Variants in ESCO1 observed in about 807,000 individuals in gnomAD.
The protein encoded by ESCO1 is N-acetyltransferase ESCO1.
A neutral mutation model predicts 83.5 loss-of-function variants in ESCO1; 33 were observed. The ratio of observed to expected loss-of-function variants is 0.40; its 90% CI spans 0.30 to 0.53. The LOEUF (loss-of-function observed/expected upper bound fraction) is 0.53, where lower values mean the gene tolerates loss of function less well. ESCO1 is among the 20% of genes least tolerant of loss of function. The pLI, the probability that ESCO1 is intolerant of heterozygous loss-of-function variation, is 0.63. For synonymous variants in ESCO1, 332 were observed against 324.3 expected, an observed-to-expected ratio of 1.02 and a Z score of -0.25; for missense variants, 855 against 968.0, an observed-to-expected ratio of 0.88 and a Z score of 1.55.
intron 8 of ESCO1, among the ~76,000 whole-genome samples, chr18:21,559,877 CA>C (rs1301592521): frequency 1.3e-5 from 2 of 151,958 alleles, no homozygotes; most frequent in African/African-American, 4.8e-5. Flanking sequence ...GGTAGAGAAC[CA>C]AAAAAGTAAA....
At chr18:21,558,405 G>C (rs769758890) in intron 8 of ESCO1, among the ~76,000 whole-genome samples, 2 of 152,020 alleles carry the variant, frequency 1.3e-5, no homozygotes, top group African/African-American at 2.4e-5. Context: ...CAAAGAAAAA[G>C]GTATTTATCA....
At chr18:21,576,511 GT>G (rs2038420620) in intron 2 of ESCO1, among the ~76,000 whole-genome samples, 1 of 152,022 alleles carries the variant, frequency 6.6e-6, no homozygotes, top group Non-Finnish European at 1.5e-5. Context: ...CTAAAAATAA[GT>G]AAGTAAATAA....
chr18:21,565,517 T>C (rs776593703), intron 6 of ESCO1, among the ~76,000 whole-genome samples: 1 of 152,226 alleles, frequency 6.6e-6, no homozygotes, highest in Non-Finnish European at 1.5e-5. Context: ...CAAAGATACA[T>C]GTGTTTAACA....
At chr18:21,579,810 A>AGTG (rs1568109937) in intron 2 of ESCO1, among the ~76,000 whole-genome samples, 21 of 141,960 alleles carry the variant, frequency 1.5e-4, no homozygotes, top group African/African-American at 5.6e-4. Context: ...ACACACACAC[A>AGTG]CACACACACA....
chr18:21,551,792 AG>A (rs1386638278), intron 8 of ESCO1, among the ~76,000 whole-genome samples: 2 of 152,226 alleles, frequency 1.3e-5, no homozygotes, highest in African/African-American at 4.8e-5. Flanking sequence ...TCTCAGCTGG[AG>A]AGAGACACCT....
chr18:21,534,302 A>T (rs2037804363), intron 10 of ESCO1, among the ~76,000 whole-genome samples: 1 of 152,238 alleles, frequency 6.6e-6, no homozygotes, highest in Admixed American at 6.5e-5. Context: ...CATGCAAAAA[A>T]ATCAAAAAAT....
intron 8 of ESCO1, among the ~76,000 whole-genome samples, chr18:21,549,254 T>C (rs2038013946): frequency 6.6e-6 from 1 of 152,222 alleles, no homozygotes; most frequent in South Asian, 2.1e-4. Flanking sequence ...ATATGGTATC[T>C]GGACTACAGA....
chr18:21,569,935 A>C (rs778157070), intron 4 of ESCO1, among the ~76,000 whole-genome samples: 1 of 152,166 alleles, frequency 6.6e-6, no homozygotes, highest in Non-Finnish European at 1.5e-5. Flanking sequence ...CAGGAAACCT[A>C]TCCATGTTCT....
chr18:21,532,720 T>C (rs2037783343), intron 10 of ESCO1, 60 bp from the exon 11 acceptor site: 2 of 1,518,952 alleles, frequency 1.3e-6, no homozygotes, highest in Non-Finnish European at 1.8e-6. Context: ...CAACTAATAC[T>C]GATCTGGTTG....
intron 8 of ESCO1, among the ~76,000 whole-genome samples, chr18:21,546,543 A>G (rs1473750864): frequency 6.6e-6 from 1 of 152,138 alleles, no homozygotes; most frequent in Non-Finnish European, 1.5e-5. Context: ...TAATTGTTTT[A>G]GTAGGTTTTG....
chr18:21,594,162 G>A (rs1456972902), intron 1 of ESCO1, among the ~76,000 whole-genome samples: 1 of 152,100 alleles, frequency 6.6e-6, no homozygotes, highest in African/African-American at 2.4e-5. Flanking sequence ...AAATCACCCT[G>A]GGTTGAGACC....
intron 8 of ESCO1, among the ~76,000 whole-genome samples, chr18:21,557,920 C>T (rs559437269): frequency 1.3e-5 from 2 of 152,068 alleles, no homozygotes; most frequent in South Asian, 2.1e-4. Flanking sequence ...AGAGTCCAGG[C>T]TCCACCTGAA....
chr18:21,570,740 A>G (rs2038328432), intron 4 of ESCO1, among the ~76,000 whole-genome samples: 1 of 152,156 alleles, frequency 6.6e-6, no homozygotes, highest in Admixed American at 6.6e-5. Context: ...GCACTTTGGG[A>G]GGCCGAGTTG....
chr18:21,554,718 G>A (rs1830450966), intron 8 of ESCO1, among the ~76,000 whole-genome samples: 1 of 152,070 alleles, frequency 6.6e-6, no homozygotes, highest in Admixed American at 6.6e-5. Flanking sequence ...AAACTAGTCT[G>A]GCCAACACAG....
At chr18:21,538,702 T>C (rs557971372) in intron 9 of ESCO1, among the ~76,000 whole-genome samples, 2 of 152,284 alleles carry the variant, frequency 1.3e-5, no homozygotes, top group South Asian at 2.1e-4. Context: ...AGAAGTCCAA[T>C]TGTTAACCTA....
chr18:21,579,635 G>C (rs2038465386), intron 2 of ESCO1, among the ~76,000 whole-genome samples: 1 of 150,996 alleles, frequency 6.6e-6, no homozygotes, highest in Non-Finnish European at 1.5e-5. Context: ...AGCTGGGCAT[G>C]GAGGCAGGCA....
chr18:21,585,766 T>A (rs1016986223), intron 1 of ESCO1, among the ~76,000 whole-genome samples: 4 of 152,250 alleles, frequency 2.6e-5, no homozygotes, highest in East Asian at 1.9e-4. Context: ...CTAATTTTTT[T>A]ATTTTTTGTA....
chr18:21,571,195 T>C (rs890773235), intron 4 of ESCO1, among the ~76,000 whole-genome samples: 2 of 149,436 alleles, frequency 1.3e-5, no homozygotes, highest in Non-Finnish European at 3.0e-5. Flanking sequence ...TCTTAGGATA[T>C]TTTTTTTTTG....
chr18:21,542,331 C>A (rs1362498998), intron 8 of ESCO1, among the ~76,000 whole-genome samples: 3 of 152,134 alleles, frequency 2.0e-5, no homozygotes, highest in African/African-American at 7.2e-5. Context: ...GGACTACAGG[C>A]GTGCACCACC....
Sources: allele counts gnomAD v4.1 joint callset (sites outside exome capture counted in the v4.1 genomes callset), GRCh38; gene constraint gnomAD v4.1.1; transcripts MANE v1.5; gene names NCBI Gene and HGNC (gene_info 2026-07-23, HGNC 2026-07-21).